The following FAF1 variants were observed in gnomAD, a reference collection of about 807,000 sequenced individuals.
FAF1 encodes the protein Fas associated factor 1.
In FAF1, 25 loss-of-function variants were observed where a neutral mutation model predicts 92.5. The observed-to-expected ratio is 0.27, with a 90% confidence interval of 0.20 to 0.38. The LOEUF (loss-of-function observed/expected upper bound fraction) is 0.38, where lower values mean the gene tolerates loss of function less well. Ranked by LOEUF, FAF1 falls within the 10% of genes least tolerant of loss-of-function variation. The probability of loss-of-function intolerance (pLI) is 1.00; values close to 1 mark genes in which losing one functional copy is unlikely to be tolerated. For missense variants in FAF1, 636 were observed against 793.3 expected, an observed-to-expected ratio of 0.80 and a Z score of 2.38; for synonymous variants, 234 against 273.2, an observed-to-expected ratio of 0.86 and a Z score of 1.42.
intron 4 of FAF1, among the ~76,000 whole-genome samples, chr1:50,746,361 C>T (rs1233360213): frequency 5.5e-5 from 7 of 126,580 alleles, no homozygotes; most frequent in African/African-American, 2.2e-4. Flanking sequence ...TGGAGTGCGA[C>T]GGCGTGATCT....
chr1:50,730,182 A>T (rs1658858329), intron 6 of FAF1, among the ~76,000 whole-genome samples: 1 of 152,118 alleles, frequency 6.6e-6, no homozygotes, highest in Admixed American at 6.6e-5. Flanking sequence ...TACTCATTTT[A>T]GTACTTCATA....
At chr1:50,694,215 G>A (rs1286127665) in intron 7 of FAF1, among the ~76,000 whole-genome samples, 1 of 152,040 alleles carries the variant, frequency 6.6e-6, no homozygotes, top group African/African-American at 2.4e-5. Context: ...TAAATGATAT[G>A]CTTTTCTTAT....
intron 4 of FAF1, among the ~76,000 whole-genome samples, chr1:50,773,482 A>G (rs1446375550): frequency 6.6e-6 from 1 of 152,244 alleles, no homozygotes; most frequent in Non-Finnish European, 1.5e-5. Context: ...ACAATGGCAT[A>G]CTATTCAGCC....
chr1:50,860,674 T>C (rs1273002272), intron 1 of FAF1, among the ~76,000 whole-genome samples: 1 of 151,878 alleles, frequency 6.6e-6, no homozygotes, highest in East Asian at 1.9e-4. Context: ...TTAGTTCAGC[T>C]ACTACAAAAG....
At chr1:50,529,246 T>C (rs543448409) in intron 15 of FAF1, among the ~76,000 whole-genome samples, 4 of 152,198 alleles carry the variant, frequency 2.6e-5, no homozygotes, top group East Asian at 1.9e-4. Flanking sequence ...ATGATCCATT[T>C]TGGGAAGCTA....
At chr1:50,619,589 C>T (rs1446474918) in intron 8 of FAF1, among the ~76,000 whole-genome samples, 1 of 152,172 alleles carries the variant, frequency 6.6e-6, no homozygotes, top group Admixed American at 6.5e-5. Flanking sequence ...GGTTTGTGCT[C>T]ACAGGCCTGC....
intron 18 of FAF1, among the ~76,000 whole-genome samples, chr1:50,458,137 T>C (rs1428683304): frequency 5.9e-5 from 9 of 151,764 alleles, no homozygotes; most frequent in Non-Finnish European, 7.4e-5. Context: ...TGCTTAAACC[T>C]GGGAGGCAGA....
chr1:50,882,667 T>C (rs1403751275), intron 1 of FAF1, among the ~76,000 whole-genome samples: 3 of 151,198 alleles, frequency 2.0e-5, no homozygotes, highest in Non-Finnish European at 4.4e-5. Flanking sequence ...TATGTATGTA[T>C]GTGTAAACAC....
At chr1:50,537,736 A>G (rs1416536039) in intron 14 of FAF1, among the ~76,000 whole-genome samples, 1 of 147,518 alleles carries the variant, frequency 6.8e-6, no homozygotes. Context: ...ATAGAAAACA[A>G]CCGTATTCTG....
At chr1:50,950,117 G>C (rs189769343) in intron 1 of FAF1, among the ~76,000 whole-genome samples, 32 of 152,198 alleles carry the variant, frequency 2.1e-4, no homozygotes, top group Non-Finnish European at 4.3e-4. Context: ...TGGGAATACA[G>C]GTGGGAGCCA....
chr1:50,643,196 T>C (rs900978260), intron 8 of FAF1, among the ~76,000 whole-genome samples: 6 of 152,316 alleles, frequency 3.9e-5, no homozygotes, highest in African/African-American at 1.2e-4. Context: ...TTTTTAGCTA[T>C]ATTTCTTTTT....
At chr1:50,727,655 A>G (rs1658719992) in intron 6 of FAF1, among the ~76,000 whole-genome samples, 1 of 152,198 alleles carries the variant, frequency 6.6e-6, no homozygotes, top group South Asian at 2.1e-4. Context: ...GATTGAAAGT[A>G]TTGCTCCCTT....
rs78593246 is a variant in FAF1, at chr1:50,614,417, A to G, written c.745-18201T>C. ...ATTGAAATATTAGAGTTAAGGGGGG[A>G]AAAAAAAGAATGTTTATGTGAGTGT... is the stretch of plus-strand genomic sequence containing the variant. On this transcript the variant is annotated intron_variant, in intron 8 of 18. Transcript: ENST00000396153. Among the ~76,000 whole-genome samples, 1,181 of 150,244 alleles carry G rather than the reference A, an allele frequency of 7.9e-3. 13 individuals carry two copies. Among genetic ancestry groups the G allele is most frequent in the African/African-American group, 0.029 (1,137 of 39,686 alleles).
intron 13 of FAF1, among the ~76,000 whole-genome samples, chr1:50,549,296 A>G (rs1649177215): frequency 6.6e-6 from 1 of 152,026 alleles, no homozygotes; most frequent in South Asian, 2.1e-4. Context: ...AAATTTAGAG[A>G]CTTTGTTTTT....
intron 6 of FAF1, among the ~76,000 whole-genome samples, chr1:50,722,542 G>A (rs1383184989): frequency 4.0e-5 from 6 of 151,842 alleles, no homozygotes; most frequent in Admixed American, 2.0e-4. Flanking sequence ...CCGGCTACTC[G>A]GGAGGCTGAG....
At chr1:50,657,517 G>A (rs947214799) in intron 7 of FAF1, among the ~76,000 whole-genome samples, 2 of 151,718 alleles carry the variant, frequency 1.3e-5, no homozygotes, top group Non-Finnish European at 2.9e-5. Flanking sequence ...AGCCACGACT[G>A]TGCCACTGAA....
At chr1:50,687,945 C>T (rs1193045105) in intron 7 of FAF1, among the ~76,000 whole-genome samples, 9 of 151,858 alleles carry the variant, frequency 5.9e-5, no homozygotes, top group South Asian at 4.2e-4. Flanking sequence ...ACCATCTTGG[C>T]TAACACAGTG....
At chr1:50,456,270 G>A (rs1022786446) in intron 18 of FAF1, among the ~76,000 whole-genome samples, 3 of 152,096 alleles carry the variant, frequency 2.0e-5, no homozygotes, top group Non-Finnish European at 4.4e-5. Flanking sequence ...TTCTAAGAAT[G>A]TCTTGCTGGA....
intron 2 of FAF1, among the ~76,000 whole-genome samples, chr1:50,811,888 A>T (rs900520745): frequency 3.3e-5 from 5 of 152,180 alleles, no homozygotes; most frequent in African/African-American, 1.2e-4. Context: ...GGAACAGAAT[A>T]GAGAGCCAAG....
Sources: allele counts gnomAD v4.1 joint callset (sites outside exome capture counted in the v4.1 genomes callset), GRCh38; gene constraint gnomAD v4.1.1; transcripts MANE v1.5; gene names NCBI Gene and HGNC (gene_info 2026-07-23, HGNC 2026-07-21).